The following BCAR3 variants were observed in gnomAD, a reference collection of about 807,000 sequenced individuals.
The protein encoded by BCAR3 is BCAR3 adaptor protein, NSP family member, also known as breast cancer anti-estrogen resistance protein 3.
BCAR3 carries 37 observed loss-of-function variants against 80.1 expected under a neutral mutation model. The observed-to-expected ratio is 0.46, with a 90% CI of 0.36 to 0.61. BCAR3 has a LOEUF of 0.61. Ranked by LOEUF, BCAR3 falls within the 20% of genes least tolerant of loss-of-function variation. The pLI, the probability that BCAR3 is intolerant of heterozygous loss-of-function variation, is 0.00. For synonymous variants in BCAR3, 389 were observed against 418.9 expected, an observed-to-expected ratio of 0.93 and a Z score of 0.87; for missense variants, 978 against 1,068.2, an observed-to-expected ratio of 0.92 and a Z score of 1.18.
chr1:93,569,853 C>A (rs1208637617), intron 9 of BCAR3, among the ~76,000 whole-genome samples: 1 of 152,212 alleles, frequency 6.6e-6, no homozygotes, highest in Non-Finnish European at 1.5e-5. Context: ...TCCCACAAAA[C>A]ATCTCCTTTA....
At chr1:93,777,623 C>T (rs756204185) in intron 2 of BCAR3, among the ~76,000 whole-genome samples, 12 of 151,992 alleles carry the variant, frequency 7.9e-5, no homozygotes, top group Non-Finnish European at 1.8e-4. Context: ...GGGGGTCTCG[C>T]TAGGTTGCCC....
At chr1:93,573,921 G>A (rs1163560538) in intron 8 of BCAR3, among the ~76,000 whole-genome samples, 2 of 152,064 alleles carry the variant, frequency 1.3e-5, no homozygotes, top group Non-Finnish European at 2.9e-5. Context: ...GAGCCACCAC[G>A]CCCAGCTGTT....
intron 2 of BCAR3, among the ~76,000 whole-genome samples, chr1:93,828,669 A>G (rs1166669514): frequency 1.3e-5 from 2 of 152,082 alleles, no homozygotes; most frequent in African/African-American, 4.8e-5. Context: ...GTCTTTGTGT[A>G]TTCATTTTTG....
intron 3 of BCAR3, among the ~76,000 whole-genome samples, chr1:93,624,800 T>A (rs1476702334): frequency 6.6e-6 from 1 of 152,220 alleles, no homozygotes; most frequent in East Asian, 1.9e-4. Flanking sequence ...CCAAAAATAG[T>A]TCAGAACTGC....
At chr1:93,588,953 C>T (rs1490685236) in intron 5 of BCAR3, 24 bp downstream of exon 5, 5 of 1,532,478 alleles carry the variant, frequency 3.3e-6, no homozygotes, top group South Asian at 2.6e-5. Flanking sequence ...CCCTCATAGT[C>T]CTGCAGAGGA....
rs1674101446 is a variant in BCAR3, at chr1:93,589,892, G to C, written c.487-473C>G. On this transcript the variant is annotated intron_variant, in intron 4 of 11. Transcript: ENST00000260502. ...TTTATACAGACCTGAATGATGTAATGAAACAGGAAATAAGAAATGAGAAAA... is the reference window on the plus strand; with the variant it reads ...TTTATACAGACCTGAATGATGTAATCAAACAGGAAATAAGAAATGAGAAAA... Among the ~76,000 whole-genome samples, 2 of 152,202 alleles carry C rather than the reference G, an allele frequency of 1.3e-5. 1 individual carries two copies. The highest frequency in any genetic ancestry group is 4.1e-4 in the South Asian group (2 of 4,822).
intron 2 of BCAR3, among the ~76,000 whole-genome samples, chr1:93,647,306 T>A (rs1676173808): frequency 6.6e-6 from 1 of 152,186 alleles, no homozygotes; most frequent in African/African-American, 2.4e-5. Flanking sequence ...CTAATCAAAT[T>A]TGCTGTCTTA....
At position 93,777,679 on chromosome 1, in the gene BCAR3, C is replaced by T. The variant is rs1291426787; in HGVS notation, c.-63+67888G>A. Among the ~76,000 whole-genome samples, 3 of 152,256 alleles carry T rather than the reference C, an allele frequency of 2.0e-5. No homozygotes were observed. In the East Asian group the frequency reaches 5.8e-4, roughly 29 times the overall value. On this transcript the variant is annotated intron_variant, in intron 2 of 13. Coordinates refer to the BCAR3 transcript ENST00000370244. The stretch of plus-strand genomic sequence containing the variant: ...GGCTCAAACAATCCTCCTGCCTTGG[C>T]CTCTCAGAGTGCTGGGATTACAGGC...
intron 5 of BCAR3, chr1:93,584,941 AT>A (rs1673882603): frequency 2.1e-6 from 2 of 964,690 alleles, no homozygotes; most frequent in Non-Finnish European, 2.5e-6. Context: ...AAACATTGTT[AT>A]GTTACAGAAA....
At chr1:93,773,289 C>A (rs1407820671) in intron 2 of BCAR3, among the ~76,000 whole-genome samples, 2 of 151,958 alleles carry the variant, frequency 1.3e-5, no homozygotes, top group Non-Finnish European at 2.9e-5. Context: ...TGGCACTTGA[C>A]AATGTCAAAA....
At chr1:93,789,970 C>A (rs779411149) in intron 2 of BCAR3, among the ~76,000 whole-genome samples, 3 of 152,056 alleles carry the variant, frequency 2.0e-5, no homozygotes, top group Non-Finnish European at 4.4e-5. Flanking sequence ...TAGGGCTAAA[C>A]AAAAGTTAAT....
At chr1:93,705,504 A>G (rs1649801251) in intron 3 of BCAR3, among the ~76,000 whole-genome samples, 2 of 152,322 alleles carry the variant, frequency 1.3e-5, no homozygotes, top group South Asian at 2.1e-4. Flanking sequence ...TCAAATGCCA[A>G]TTGTTTGTTT....
intron 2 of BCAR3, among the ~76,000 whole-genome samples, chr1:93,804,557 T>C (rs985384177): frequency 6.6e-6 from 1 of 152,174 alleles, no homozygotes; most frequent in African/African-American, 2.4e-5. Flanking sequence ...ACAGGCAGTG[T>C]ATATAGTGTG....
chr1:93,676,360 G>A (rs911790384), intron 1 of BCAR3, among the ~76,000 whole-genome samples: 2 of 152,214 alleles, frequency 1.3e-5, no homozygotes, highest in African/African-American at 2.4e-5. Context: ...AAACACACAC[G>A]TTCCACTGCT....
Position 93,567,411 on chromosome 1 carries a change from TCA to T in BCAR3, c.2165_2166del (p.Val722AspfsTer3). 6.2e-7 allele frequency: 1 copy of T among 1,614,156 alleles called. No individual in the cohort carries two copies. The highest frequency in any genetic ancestry group is 8.5e-7 in the Non-Finnish European group (1 of 1,180,008). ...PLVTLMERQA[V>X]TFEGTDMWEK... ...TCCCACATGTCGGTTCCTTCAAAAG[TCA>T]CAGCCTGGCGCTCCATTAACGTCAC... On this transcript the variant is annotated frameshift_variant, in exon 11 of 12. Coordinates refer to ENST00000260502, the MANE Select transcript of BCAR3 (RefSeq NM_003567.4). LOFTEE classifies it high-confidence loss of function.
At chr1:93,651,262 C>T (rs373467474) in intron 2 of BCAR3, among the ~76,000 whole-genome samples, 2 of 152,060 alleles carry the variant, frequency 1.3e-5, no homozygotes, top group African/African-American at 2.4e-5. Context: ...GAGGGACCTA[C>T]GGGGAGGAAG....
At chr1:93,838,045 G>T (rs1654832374) in intron 2 of BCAR3, among the ~76,000 whole-genome samples, 4 of 152,190 alleles carry the variant, frequency 2.6e-5, no homozygotes, top group Admixed American at 2.6e-4. Flanking sequence ...ACAAACGCTT[G>T]GCCAGCAAGT....
intron 2 of BCAR3, among the ~76,000 whole-genome samples, chr1:93,794,265 T>C (rs1653201569): frequency 3.1e-5 from 2 of 63,746 alleles, no homozygotes; most frequent in South Asian, 8.0e-4. Context: ...TGTTAAAGTC[T>C]CCCATTATTA....
At chr1:93,653,668 A>G (rs1647224320) in intron 2 of BCAR3, among the ~76,000 whole-genome samples, 2 of 152,162 alleles carry the variant, frequency 1.3e-5, no homozygotes, top group East Asian at 1.9e-4. Flanking sequence ...AACAGACCCA[A>G]CAAAGCTCAG....
Sources: gnomAD v4.1 joint callset for allele counts (sites outside exome capture counted in the v4.1 genomes callset) on GRCh38, gnomAD v4.1.1 for gene constraint, MANE v1.5 for transcripts, NCBI Gene and HGNC (gene_info 2026-07-23, HGNC 2026-07-21) for gene names.